The following NCOR2 variants were observed in gnomAD, a reference collection of about 807,000 sequenced individuals.
NCOR2 encodes the protein nuclear receptor corepressor 2.
In NCOR2, 81 loss-of-function variants were observed where a neutral mutation model predicts 262.9. The ratio of observed to expected loss-of-function variants is 0.31; its 90% CI spans 0.26 to 0.37. The LOEUF (loss-of-function observed/expected upper bound fraction) is 0.37, where lower values mean the gene tolerates loss of function less well. NCOR2 is among the 10% of genes least tolerant of loss of function. NCOR2 has a pLI of 1.00. For synonymous variants in NCOR2, 1,659 were observed against 1,559.3 expected (o/e 1.06, Z -1.51); for missense variants, 3,385 against 3,621.4 (o/e 0.93, Z 1.68).
chr12:124,427,612 G>A (rs1266529283), intron 10 of NCOR2, among the ~76,000 whole-genome samples: 1 of 152,192 alleles, frequency 6.6e-6, no homozygotes, highest in Non-Finnish European at 1.5e-5. Context: ...GGGTCAGGTC[G>A]GGTGCGGGGC....
At chr12:124,511,358 C>T (rs561455138) in intron 1 of NCOR2, among the ~76,000 whole-genome samples, 2 of 152,334 alleles carry the variant, frequency 1.3e-5, no homozygotes, top group South Asian at 2.1e-4. Flanking sequence ...ACTGTAAGGC[C>T]GTCAGTGCCA....
intron 1 of NCOR2, among the ~76,000 whole-genome samples, chr12:124,493,235 G>A (rs1389371297): frequency 6.6e-6 from 1 of 152,202 alleles, no homozygotes; most frequent in Non-Finnish European, 1.5e-5. Flanking sequence ...GACTCCCCAA[G>A]GCTAGGAGCC....
chr12:124,377,246 C>T (rs879626381), intron 18 of NCOR2, among the ~76,000 whole-genome samples: 2 of 152,202 alleles, frequency 1.3e-5, no homozygotes, highest in East Asian at 1.9e-4. Flanking sequence ...GATGGCTTTA[C>T]GCCCTCTCTT....
At position 124,384,372 on chromosome 12, in the gene NCOR2, G is replaced by A. The variant is rs78251438; in HGVS notation, c.2019+1373C>T. Reference sequence around the variant, plus strand: ...CCCGAAGCATCCAGAAGGAAAAGGCGCTGCCTGAAGCCCTGAGCTCTGGGG... The same window carrying A: ...CCCGAAGCATCCAGAAGGAAAAGGCACTGCCTGAAGCCCTGAGCTCTGGGG... On this transcript the variant is annotated intron_variant, in intron 17 of 46. Transcript: ENST00000405201. 5.9e-3 allele frequency among the ~76,000 whole-genome samples: 902 copies of A among 152,350 alleles called. 10 individuals are homozygous for A. The highest frequency in any genetic ancestry group is 0.021 in the African/African-American group (861 of 41,572).
At chr12:124,362,561 A>G (rs1794954) in intron 21 of NCOR2, among the ~76,000 whole-genome samples, 59 of 142,260 alleles carry the variant, frequency 4.1e-4, no homozygotes, top group African/African-American at 1.5e-3. Context: ...CCCGGTGGTG[A>G]ACAGGGGGAA....
chr12:124,402,710 G>T, intron 13 of NCOR2, 149 bp from the exon 16 acceptor site: 2 of 1,435,056 alleles, frequency 1.4e-6, no homozygotes, highest in Non-Finnish European at 9.3e-7. Context: ...CAACCGGGAA[G>T]CCAGGCCCCA....
At chr12:124,565,466 G>A (rs116688541) in intron 1 of NCOR2, among the ~76,000 whole-genome samples, 2,400 of 152,146 alleles carry the variant, frequency 0.016, 53 homozygotes, top group African/African-American at 0.053. Flanking sequence ...TCTGTTCAAT[G>A]GGCGGGGGCA....
chr12:124,419,074 C>T (rs1044084340), intron 13 of NCOR2, among the ~76,000 whole-genome samples: 7 of 152,170 alleles, frequency 4.6e-5, no homozygotes, highest in Admixed American at 6.5e-5. Flanking sequence ...TGCTCTGAGA[C>T]GATGCTTCAA....
In NCOR2 at chr12:124,504,780, G is replaced by A. The variant is rs2048955153; in HGVS notation, c.-117-9412C>T. The stretch of plus-strand genomic sequence containing the variant: ...GCACAAAAGGCAAAGAAGCCGCTCA[G>A]AAAGGCCACGCACTGCATGATTCCA... On this transcript the variant is annotated intron_variant, in intron 1 of 46. Transcript: ENST00000404621. The surrounding 1 kb of genome is among the most constrained non-coding windows in gnomAD (Gnocchi z 4.5). Among the ~76,000 whole-genome samples, 1 of 152,214 alleles carries A rather than the reference G, an allele frequency of 6.6e-6. No homozygotes were observed. Among genetic ancestry groups the A allele is most frequent in the Non-Finnish European group, 1.5e-5 (1 of 68,046 alleles).
chr12:124,522,824 T>C (rs2137099264), intron 1 of NCOR2, among the ~76,000 whole-genome samples: 1 of 152,326 alleles, frequency 6.6e-6, no homozygotes, highest in South Asian at 2.1e-4. Context: ...GGCCCCCCTA[T>C]AGCCGACAGA....
chr12:124,431,568 CAGAG>C (rs369956416), intron 8 of NCOR2, among the ~76,000 whole-genome samples: 18 of 150,820 alleles, frequency 1.2e-4, no homozygotes, highest in Admixed American at 7.9e-4. Flanking sequence ...ACAAGATACA[CAGAG>C]AGACACACAC....
intron 14 of NCOR2, among the ~76,000 whole-genome samples, chr12:124,401,991 G>A (rs115930814): frequency 0.019 from 2,934 of 152,290 alleles, 86 homozygotes; most frequent in African/African-American, 0.066. Flanking sequence ...GGTGACAGCA[G>A]CCGCCTGCAC....
At chr12:124,395,143 G>A (rs1299049001) in intron 16 of NCOR2, among the ~76,000 whole-genome samples, 1 of 152,224 alleles carries the variant, frequency 6.6e-6, no homozygotes. Context: ...CAGAGAGTGA[G>A]GCACTATGTT....
intron 28 of NCOR2, 105 bp from the exon 31 acceptor site, chr12:124,348,419 C>T (rs1229435301): frequency 7.1e-7 from 1 of 1,409,940 alleles, no homozygotes; most frequent in Admixed American, 2.5e-5. Context: ...GCAGTGCTTC[C>T]ATGCTGGCCC....
intron 1 of NCOR2, among the ~76,000 whole-genome samples, chr12:124,492,551 C>G (rs1002278093): frequency 6.6e-6 from 1 of 152,110 alleles, no homozygotes; most frequent in Non-Finnish European, 1.5e-5. Context: ...TGAGGCATCC[C>G]GTGGATCCCA....
At chr12:124,496,736 C>T (rs1235582937), upstream of NCOR2, among the ~76,000 whole-genome samples, 1 of 152,120 alleles carries the variant, frequency 6.6e-6, no homozygotes, top group Non-Finnish European at 1.5e-5. The surrounding 1 kb of genome is among the most constrained non-coding windows in gnomAD (Gnocchi z 4.4). Flanking sequence ...CCCTCCCTCC[C>T]TCCCCAGGTG....
chr12:124,419,035 C>T (rs1273818074), intron 13 of NCOR2, among the ~76,000 whole-genome samples: 2 of 152,152 alleles, frequency 1.3e-5, no homozygotes, highest in African/African-American at 2.4e-5. Flanking sequence ...TGCCTCCACC[C>T]GCCTCCTCTG....
intron 8 of NCOR2, among the ~76,000 whole-genome samples, 162 bp from the exon 11 acceptor site, chr12:124,430,949 T>C (rs1489222401): frequency 4.0e-5 from 6 of 149,858 alleles, no homozygotes; most frequent in Non-Finnish European, 5.9e-5. Context: ...CACAGACACA[T>C]ACATACAGGC....
intron 7 of NCOR2, among the ~76,000 whole-genome samples, chr12:124,438,993 ATG>A (rs2044608209): frequency 8.3e-6 from 1 of 119,904 alleles, no homozygotes; most frequent in Non-Finnish European, 1.8e-5. Flanking sequence ...AGAGAGAGAG[ATG>A]GAGACCCTGA....
Sources: allele counts gnomAD v4.1 joint callset (sites outside exome capture counted in the v4.1 genomes callset), GRCh38; gene constraint gnomAD v4.1.1; non-coding constraint Gnocchi (gnomAD v3.1); transcripts MANE v1.5; gene names NCBI Gene and HGNC (gene_info 2026-07-23, HGNC 2026-07-21).